Variants in ANKDD1B observed in about 807,000 individuals in gnomAD.
ANKDD1B encodes ankyrin repeat and death domain-containing protein 1B.
Under a neutral mutation model 59.7 loss-of-function variants are expected in ANKDD1B, and 57 were observed. The observed-to-expected ratio is 0.95, with a 90% CI of 0.77 to 1.19. The LOEUF is 1.19. Among genes scored for constraint, ANKDD1B ranks in the 50% most tolerant of loss-of-function variants. ANKDD1B has a pLI of 0.00. For missense variants in ANKDD1B, 602 were observed against 641.9 expected (o/e 0.94, Z 0.67); for synonymous variants, 216 against 239.5 (o/e 0.90, Z 0.91).
rs1579978799 is a variant in ANKDD1B, at chr5:75,663,498, G to A, written c.1191+9G>A. The A allele has an allele frequency of 1.3e-6, 2 of 1,534,188 alleles. No homozygotes were observed. The highest frequency in any genetic ancestry group is 1.7e-6 in the Non-Finnish European group (2 of 1,145,192). ...ACTACGCCTGGAGAGAGGTAAGGAA[G>A]GACGATCCCAGCACAGCAGGGGCTT... On this transcript the variant is annotated intron_variant, in intron 11 of 13. Transcript: ENST00000601380.
chr5:75,637,761 C>A (rs981436252), intron 7 of ANKDD1B, among the ~76,000 whole-genome samples: 3 of 152,088 alleles, frequency 2.0e-5, no homozygotes, highest in Non-Finnish European at 4.4e-5. Flanking sequence ...TTCTAAATCA[C>A]TTTCTTATTC....
At chr5:75,659,528 C>T in intron 10 of ANKDD1B, 147 bp downstream of exon 10, 1 of 630,762 alleles carries the variant, frequency 1.6e-6, no homozygotes, top group Non-Finnish European at 2.8e-6. Context: ...CAGTAAAATA[C>T]CCCAATTTTG....
intron 7 of ANKDD1B, among the ~76,000 whole-genome samples, chr5:75,638,424 G>A (rs531685749): frequency 6.6e-6 from 1 of 152,216 alleles, no homozygotes; most frequent in South Asian, 2.1e-4. Context: ...ACAAGCTGTT[G>A]CCAGATCAGT....
In ANKDD1B at chr5:75,635,887, G is replaced by A. The variant is rs906758146; in HGVS notation, c.798+5G>A. The A allele has an allele frequency of 2.0e-6, 3 of 1,509,574 alleles. No individual in the cohort carries two copies. The highest frequency in any genetic ancestry group is 1.8e-6 in the Non-Finnish European group (2 of 1,124,536). The allele number at this position is 1,509,574 out of a possible 1,614,324, so 93.5% of individuals were successfully genotyped here. ...GACATAAATGAGATGAATGAGGTAT[G>A]TGGAAGTGCTCGTTATTGCCATAGG... On this transcript the variant is annotated splice_donor_5th_base_variant and intron_variant, in intron 7 of 13. Transcript: ENST00000601380.
At chr5:75,654,731 C>A (rs1479194203) in intron 8 of ANKDD1B, among the ~76,000 whole-genome samples, 1 of 152,158 alleles carries the variant, frequency 6.6e-6, no homozygotes, top group Non-Finnish European at 1.5e-5. Context: ...GTAATAAGCA[C>A]CACGATGAGA....
At chr5:75,626,522 T>A (rs1213227714) in intron 5 of ANKDD1B, among the ~76,000 whole-genome samples, 1 of 152,224 alleles carries the variant, frequency 6.6e-6, no homozygotes, top group Non-Finnish European at 1.5e-5. Flanking sequence ...CATTGCTGAA[T>A]GAATGAATGA....
At chr5:75,648,270 A>AAAAAAAATT (rs1774707134) in intron 7 of ANKDD1B, among the ~76,000 whole-genome samples, 6 of 88,112 alleles carry the variant, frequency 6.8e-5, no homozygotes, top group Non-Finnish European at 1.2e-4. Flanking sequence ...AAAAAATTAA[A>AAAAAAAATT]AAAAAAAAAA....
chr5:75,620,174 T>G (rs371969037), intron 2 of ANKDD1B, 141 bp from the exon 3 acceptor site: 2 of 574,162 alleles, frequency 3.5e-6, no homozygotes, highest in African/African-American at 3.7e-5. Context: ...TCTCATAACT[T>G]TCAAAGGTAA....
intron 13 of ANKDD1B, among the ~76,000 whole-genome samples, chr5:75,670,129 A>G (rs1471961203): frequency 6.6e-6 from 1 of 152,196 alleles, no homozygotes; most frequent in Non-Finnish European, 1.5e-5. Context: ...ATCTCATAAT[A>G]TTGGAGTTTT....
intron 1 of ANKDD1B, among the ~76,000 whole-genome samples, chr5:75,615,650 G>A (rs1346255014): frequency 6.7e-6 from 1 of 150,210 alleles, no homozygotes; most frequent in Non-Finnish European, 1.5e-5. Flanking sequence ...CCTTCTCCCT[G>A]CCTTCACCTG....
At position 75,649,184 on chromosome 5, in the gene ANKDD1B, CTTT is replaced by C. The variant is rs35027297; in HGVS notation, c.799-3943_799-3941del. On this transcript the variant is annotated intron_variant, in intron 7 of 13. Coordinates refer to ENST00000601380, the MANE Select transcript of ANKDD1B (RefSeq NM_001276713.2). ...TTAAGTGCTCCCACATTCCTCTTTA[CTTT>C]TTTTTTTTTTTTTTGCTGGTAATTG... 1.8e-3 allele frequency among the ~76,000 whole-genome samples: 224 copies of C among 125,906 alleles called. 1 individual carries two copies. Among genetic ancestry groups the C allele is most frequent in the Admixed American group, 8.9e-3 (113 of 12,720 alleles). 82.6% of individuals were successfully genotyped at this position (125,906 alleles called of 152,430 possible). A position where few individuals can be genotyped will look rare whatever the true frequency, so the allele number is the denominator to read the frequency against.
intron 7 of ANKDD1B, among the ~76,000 whole-genome samples, 189 bp downstream of exon 7, chr5:75,636,071 T>C (rs1356044781): frequency 2.0e-5 from 3 of 152,258 alleles, no homozygotes; most frequent in Non-Finnish European, 2.9e-5. Flanking sequence ...ATTCATTTAT[T>C]CGTGCATTCA....
chr5:75,617,571 A>G (rs948656156), intron 2 of ANKDD1B, among the ~76,000 whole-genome samples: 1 of 152,102 alleles, frequency 6.6e-6, no homozygotes, highest in East Asian at 1.9e-4. Flanking sequence ...GGCTGTGTCA[A>G]TTGCTTAGGA....
chr5:75,650,872 G>A (rs1332580841), intron 7 of ANKDD1B, among the ~76,000 whole-genome samples: 1 of 152,190 alleles, frequency 6.6e-6, no homozygotes, highest in African/African-American at 2.4e-5. Context: ...TGTGATTACA[G>A]TTGGAAGTCA....
In ANKDD1B at chr5:75,653,237, G is replaced by A; in HGVS notation, c.894G>A (p.Val298=). ...AGAACGTTGATCTGCACCAGAAAGT[G>A]GAAGTGAGTTTATTCCAATGACACG... ...LSENVDLHQK[V]EPKESPLHLV... is the part of the protein sequence containing the mutation. Residue 298 remains valine, a synonymous_variant, in exon 8 of 14, where the codon GTG becomes GTA. Coordinates refer to ENST00000601380, the MANE Select transcript of ANKDD1B (RefSeq NM_001276713.2). 6.5e-7 allele frequency: 1 copy of A among 1,535,536 alleles called. No individual in the cohort carries two copies. The highest frequency in any genetic ancestry group is 1.2e-5 in the South Asian group (1 of 84,036).
intron 10 of ANKDD1B, among the ~76,000 whole-genome samples, chr5:75,660,382 G>T (rs548707734): frequency 8.5e-5 from 13 of 152,204 alleles, no homozygotes; most frequent in African/African-American, 2.9e-4. Context: ...TTCACTTAGC[G>T]TAACGTCTTC....
At position 75,620,353 on chromosome 5, in the gene ANKDD1B, T is replaced by A; in HGVS notation, c.336T>A (p.Asn112Lys). ...RTALHFAVGR[N>K]HLSAVDFLLK... is the part of the protein sequence containing the mutation. ...CCCTGCATTTTGCAGTGGGGAGAAA[T>A]CATTTATCTGCAGTGGATTTCTTGC... The change falls in exon 3 of 14, where the codon AAT becomes AAA. Residue 112 changes from asparagine to lysine, a missense_variant. By Grantham distance (94) the Asn-to-Lys change is moderately conservative. Around this residue, in one of 3 missense-constraint regions of ANKDD1B, gnomAD observed 317 missense variants for 304.6 expected, o/e 1.04. Coordinates refer to ENST00000601380, the MANE Select transcript of ANKDD1B (RefSeq NM_001276713.2). 2 of 1,535,282 alleles carry A rather than the reference T, an allele frequency of 1.3e-6. No homozygotes were observed. Among genetic ancestry groups the A allele is most frequent in the Non-Finnish European group, 1.7e-6 (2 of 1,146,274 alleles).
At chr5:75,617,080 A>C (rs1773734905) in intron 2 of ANKDD1B, among the ~76,000 whole-genome samples, 173 bp downstream of exon 2, 1 of 152,108 alleles carries the variant, frequency 6.6e-6, no homozygotes, top group Non-Finnish European at 1.5e-5. Flanking sequence ...CAAACAGTGG[A>C]AGAGGCTCTG....
intron 5 of ANKDD1B, among the ~76,000 whole-genome samples, chr5:75,631,090 A>G (rs1774143487): frequency 6.6e-6 from 1 of 152,152 alleles, no homozygotes; most frequent in Admixed American, 6.5e-5. Flanking sequence ...GACAGCACAA[A>G]ATGGGCTAAA....
Sources: allele counts gnomAD v4.1 joint callset (sites outside exome capture counted in the v4.1 genomes callset), GRCh38; gene constraint gnomAD v4.1.1; regional missense constraint gnomAD v4.1.1; transcripts MANE v1.5; gene names NCBI Gene and HGNC (gene_info 2026-07-23, HGNC 2026-07-21).